RFX3: variants seen among roughly 807,000 people sequenced by gnomAD.
RFX3 encodes regulatory factor X3.
RFX3 carries 14 observed loss-of-function variants against 98.6 expected under a neutral mutation model. The ratio of observed to expected loss-of-function variants is 0.14; its 90% confidence interval spans 0.09 to 0.22. The LOEUF (loss-of-function observed/expected upper bound fraction) is 0.22, where lower values mean the gene tolerates loss of function less well. Among genes scored for constraint, RFX3 ranks in the 10% least tolerant of loss-of-function variants. The pLI is 1.00. For synonymous variants in RFX3, 383 were observed against 328.4 expected (o/e 1.17, Z -1.80); for missense variants, 639 against 926.9 (o/e 0.69, Z 4.03).
chr9:3,320,120 T>G (rs552095590), intron 4 of RFX3, among the ~76,000 whole-genome samples: 7 of 152,314 alleles, frequency 4.6e-5, no homozygotes, highest in Admixed American at 2.6e-4. Flanking sequence ...ATTTGGGGAA[T>G]ATGACCAAAT....
chr9:3,509,372 A>G (rs540723934), intron 1 of RFX3, among the ~76,000 whole-genome samples: 2 of 152,014 alleles, frequency 1.3e-5, no homozygotes, highest in African/African-American at 4.8e-5. Context: ...AAAATTCTTA[A>G]AACAATTAAA....
chr9:3,505,131 ATATT>A (rs1302038142), intron 1 of RFX3, among the ~76,000 whole-genome samples: 19 of 98,848 alleles, frequency 1.9e-4, no homozygotes, highest in African/African-American at 7.5e-4. Context: ...TTATATATTT[ATATT>A]TATATATTAT....
At chr9:3,504,186 T>TAC (rs1816396860) in intron 1 of RFX3, among the ~76,000 whole-genome samples, 2 of 96,430 alleles carry the variant, frequency 2.1e-5, no homozygotes, top group African/African-American at 1.3e-4. Flanking sequence ...ATTATACATA[T>TAC]TATATATTAT....
chr9:3,267,580 G>A (rs1823809738), intron 11 of RFX3, among the ~76,000 whole-genome samples: 1 of 151,868 alleles, frequency 6.6e-6, no homozygotes, highest in African/African-American at 2.4e-5. Context: ...AGACGAGATT[G>A]GAACGGGCTA....
At chr9:3,446,102 G>A (rs188190480) in intron 1 of RFX3, among the ~76,000 whole-genome samples, 15 of 152,158 alleles carry the variant, frequency 9.9e-5, no homozygotes, top group Admixed American at 3.9e-4. Flanking sequence ...CCTGATATAT[G>A]AGAACAGTTC....
chr9:3,417,188 T>C (rs1843057533), intron 1 of RFX3, among the ~76,000 whole-genome samples: 1 of 151,712 alleles, frequency 6.6e-6, no homozygotes, highest in African/African-American at 2.4e-5. Context: ...TTGTCAGAAC[T>C]CCAATATACA....
At chr9:3,505,348 A>G (rs1816919294) in intron 1 of RFX3, among the ~76,000 whole-genome samples, 1 of 106,434 alleles carries the variant, frequency 9.4e-6, no homozygotes, top group Non-Finnish European at 1.7e-5. Flanking sequence ...TAAATAAAAT[A>G]TTTTATATTT....
chr9:3,271,217 C>A, intron 9 of RFX3, 99 bp from the exon 10 acceptor site: 1 of 963,640 alleles, frequency 1.0e-6, no homozygotes, highest in Non-Finnish European at 1.6e-6. Flanking sequence ...TCAAGTTCTC[C>A]CTTGGGGTCA....
Position 3,355,382 on chromosome 9 carries a change from C to A in RFX3, c.118-8618G>T, listed in dbSNP as rs188647496. On this transcript the variant is annotated intron_variant, in intron 2 of 16. Coordinates refer to ENST00000617270, the MANE Select transcript of RFX3 (RefSeq NM_001282116.2). ...TATAAAGAGATAAATCTTGCAAATG[C>A]CAATTATAAGAAAAAATGGACTGGC... Among the ~76,000 whole-genome samples, 66 of 151,372 alleles carry A rather than the reference C, an allele frequency of 4.4e-4. 2 individuals carry two copies. The East Asian group carries it at 0.011, about 26-fold the overall frequency.
chr9:3,406,042 A>C (rs1444249420), intron 1 of RFX3, among the ~76,000 whole-genome samples: 2 of 151,882 alleles, frequency 1.3e-5, no homozygotes, highest in African/African-American at 4.8e-5. Flanking sequence ...CTGCAGCCTC[A>C]ACCTCCCAGT....
chr9:3,414,390 TAG>T (rs1842708254), intron 1 of RFX3, among the ~76,000 whole-genome samples: 1 of 151,860 alleles, frequency 6.6e-6, no homozygotes, highest in South Asian at 2.1e-4. Context: ...AAAAACACAA[TAG>T]AGTTAGCTTT....
intron 15 of RFX3, among the ~76,000 whole-genome samples, chr9:3,246,542 G>C (rs901116033): frequency 6.6e-6 from 1 of 152,146 alleles, no homozygotes; most frequent in Non-Finnish European, 1.5e-5. Context: ...AGAAGTCCTT[G>C]AGCATATGAG....
chr9:3,370,679 C>G (rs10117431), intron 2 of RFX3, among the ~76,000 whole-genome samples: 3 of 151,866 alleles, frequency 2.0e-5, no homozygotes, highest in Non-Finnish European at 4.4e-5. Flanking sequence ...TATCTGTGCA[C>G]TTTACTGTAA....
intron 2 of RFX3, among the ~76,000 whole-genome samples, chr9:3,348,817 C>T (rs1475452028): frequency 6.6e-6 from 1 of 152,190 alleles, no homozygotes; most frequent in East Asian, 1.9e-4. Context: ...CAATGGTAGC[C>T]TCTTCTAACT....
At chr9:3,291,935 T>C (rs1449037772) in intron 6 of RFX3, among the ~76,000 whole-genome samples, 1 of 151,552 alleles carries the variant, frequency 6.6e-6, no homozygotes, top group African/African-American at 2.4e-5. Flanking sequence ...CACACACCTG[T>C]AGTCTCAGCT....
At chr9:3,473,058 G>A (rs917470406) in intron 1 of RFX3, among the ~76,000 whole-genome samples, 4 of 152,142 alleles carry the variant, frequency 2.6e-5, no homozygotes, top group African/African-American at 4.8e-5. Context: ...GAATGTTGCT[G>A]AGGAGCAACA....
At position 3,253,179 on chromosome 9, in the gene RFX3, G is replaced by C. The variant is rs73379962; in HGVS notation, c.1814+3812C>G. Among the ~76,000 whole-genome samples, 316 of 152,270 alleles carry C rather than the reference G, an allele frequency of 2.1e-3. 1 individual carries two copies. Among genetic ancestry groups the C allele is most frequent in the African/African-American group, 7.2e-3 (300 of 41,544 alleles). Reference sequence around the variant, plus strand: ...CTTTATAACTCATGGCGTGGAAATTGAAATATATGCCCTAACATGCGATAG... The same window carrying C: ...CTTTATAACTCATGGCGTGGAAATTCAAATATATGCCCTAACATGCGATAG... On this transcript the variant is annotated intron_variant, in intron 14 of 16. Transcript: ENST00000617270.
intron 4 of RFX3, among the ~76,000 whole-genome samples, chr9:3,326,625 G>A (rs1481233417): frequency 6.6e-6 from 1 of 152,058 alleles, no homozygotes; most frequent in African/African-American, 2.4e-5. Flanking sequence ...TAAGGAAAAT[G>A]GCCTCCAGCA....
At chr9:3,438,071 T>C (rs1845308477) in intron 1 of RFX3, among the ~76,000 whole-genome samples, 1 of 152,080 alleles carries the variant, frequency 6.6e-6, no homozygotes. Flanking sequence ...ATCTCCAAGA[T>C]GTTCTCCATA....
Sources: gnomAD v4.1 joint callset for allele counts (sites outside exome capture counted in the v4.1 genomes callset) on GRCh38, gnomAD v4.1.1 for gene constraint, MANE v1.5 for transcripts, NCBI Gene and HGNC (gene_info 2026-07-23, HGNC 2026-07-21) for gene names.